ZNF507: variants seen among roughly 807,000 people sequenced by gnomAD.
ZNF507 encodes the protein zinc finger protein 507.
A neutral mutation model predicts 80.0 loss-of-function variants in ZNF507; 29 were observed. That is an observed-to-expected ratio of 0.36 (90% confidence interval 0.27 to 0.49). The LOEUF (loss-of-function observed/expected upper bound fraction) is 0.49. Among genes scored for constraint, ZNF507 ranks in the 20% least tolerant of loss-of-function variants. The pLI, the probability that ZNF507 is intolerant of heterozygous loss-of-function variation, is 0.98. For synonymous variants in ZNF507, 462 were observed against 422.5 expected, an observed-to-expected ratio of 1.09 and a Z score of -1.15; for missense variants, 1,081 against 1,152.2, an observed-to-expected ratio of 0.94 and a Z score of 0.90.
At position 32,367,565 on chromosome 19, in the gene ZNF507, CT is replaced by C. The variant is rs376508768; in HGVS notation, c.2360+6951del. On this transcript the variant is annotated intron_variant, in intron 5 of 6. Transcript: ENST00000355898. The stretch of plus-strand genomic sequence containing the variant: ...TTAATCTTTTTCTTTGTGTTTAGGA[CT>C]TTTGTGTTCTTATATTCTGAAACTA... 4.7e-4 allele frequency among the ~76,000 whole-genome samples: 71 copies of C among 152,190 alleles called. No homozygotes were observed. The East Asian group carries it at 0.013, about 27-fold the overall frequency.
rs571199908 is a variant in ZNF507, at chr19:32,382,412, T to C, written c.2361-55T>C. On this transcript the variant is annotated intron_variant, in intron 5 of 6. Transcript: ENST00000355898. ...ATAATTGTTACAGAATCATGATAAT[T>C]TTTCACTGATGTTATGGGACCGTTC... The C allele has an allele frequency of 1.1e-5, 18 of 1,588,544 alleles. No individual in the cohort carries two copies. In the East Asian group the frequency reaches 3.6e-4, roughly 32 times the overall value.
At chr19:32,380,269 T>C (rs1311119215) in intron 5 of ZNF507, among the ~76,000 whole-genome samples, 3 of 152,036 alleles carry the variant, frequency 2.0e-5, no homozygotes, top group African/African-American at 7.3e-5. Flanking sequence ...GGTAGGAGGA[T>C]CACTTGAGTC....
chr19:32,380,625 G>T (rs1268952779), intron 5 of ZNF507: 44 of 1,535,128 alleles, frequency 2.9e-5, no homozygotes, highest in Non-Finnish European at 3.8e-5. Context: ...GTTCAGGTAA[G>T]TAAGTTATCT....
Position 32,352,951 on chromosome 19 carries a change from C to T in ZNF507, c.121C>T (p.Pro41Ser). 1 of 1,614,112 alleles carries T rather than the reference C, an allele frequency of 6.2e-7. No homozygotes were observed. ...LEIDEQRKTK[P>S]DPLIHVIQKL... ...AATTGATGAACAAAGAAAAACTAAA[C>T]CAGATCCATTAATCCATGTTATCCA... Residue 41 changes from proline (P) to serine (S), a missense_variant, in exon 3 of 7, where the codon CCA (proline) becomes TCA (serine). Transcript: ENST00000355898.
chr19:32,357,065 G>A (rs1012257319), intron 4 of ZNF507: 5 of 210,228 alleles, frequency 2.4e-5, no homozygotes, highest in Non-Finnish European at 4.8e-5. Flanking sequence ...TCCCTCTCTC[G>A]GCACCAGTTG....
At chr19:32,356,529 GA>G (rs1283001717) in intron 3 of ZNF507, 86 bp from the exon 4 acceptor site, 1 of 875,976 alleles carries the variant, frequency 1.1e-6, no homozygotes, top group African/African-American at 1.7e-5. Context: ...ACTAGGCCAT[GA>G]AAGCAATGAA....
rs1967670444 is a variant in ZNF507 at position 32,384,992 on chromosome 19, G to GA, written c.*1909_*1910insA. ...TGATTTCATTATTATTACCCATACT[G>GA]TTGCCACTCATATTGTAAGTCAGTT... On this transcript the variant is annotated 3_prime_UTR_variant, in exon 7 of 7. Coordinates refer to ENST00000355898, the MANE Select transcript of ZNF507 (RefSeq NM_001136156.2). The GA allele has an allele frequency of 6.6e-6, 1 of 151,806 alleles. No individual in the cohort carries two copies. Among genetic ancestry groups the GA allele is most frequent in the Non-Finnish European group, 1.5e-5 (1 of 67,958 alleles). 9.4% of individuals were successfully genotyped at this position (151,806 alleles called of 1,614,324 possible).
At chr19:32,375,058 A>G (rs1967528599) in intron 5 of ZNF507, among the ~76,000 whole-genome samples, 1 of 152,140 alleles carries the variant, frequency 6.6e-6, no homozygotes. Flanking sequence ...TGAGTATGGC[A>G]GTAGGAAATA....
At chr19:32,361,717 CCTTT>C (rs1171661169) in intron 5 of ZNF507, among the ~76,000 whole-genome samples, 7 of 142,600 alleles carry the variant, frequency 4.9e-5, no homozygotes, top group South Asian at 2.3e-4. Context: ...TCCTTCCTTT[CCTTT>C]CTTCCTTTCC....
chr19:32,365,625 GCTGGAC>G (rs58986084), intron 5 of ZNF507, among the ~76,000 whole-genome samples: 12,089 of 152,160 alleles, frequency 0.079, 875 homozygotes, highest in East Asian at 0.43. Flanking sequence ...ATATTGCACT[GCTGGAC>G]CTGCCCTGAT....
intron 4 of ZNF507, chr19:32,357,252 C>T (rs963803190): frequency 2.6e-5 from 4 of 150,984 alleles, no homozygotes; most frequent in African/African-American, 9.7e-5. Flanking sequence ...AGTTAAGTAG[C>T]AGTCAACCGA....
chr19:32,354,372 C>T lies in ZNF507; in HGVS notation c.1542C>T (p.Asn514=), dbSNP rs1434652476. ...GAGCTGCAGAGTTGACAAGAGCCAA[C>T]CTGGGGCACTATGGAGATATAAACC... ...PIRAAELTRA[N]LGHYGDINLL... Residue 514 remains asparagine, a synonymous_variant, in exon 3 of 7, where the codon AAC becomes AAT. Transcript: ENST00000355898. The T allele has an allele frequency of 2.5e-6, 4 of 1,613,970 alleles. No homozygotes were observed. The highest frequency in any genetic ancestry group is 2.7e-5 in the African/African-American group (2 of 74,898).
intron 5 of ZNF507, among the ~76,000 whole-genome samples, chr19:32,374,617 G>T (rs1199098758): frequency 6.6e-6 from 1 of 151,904 alleles, no homozygotes; most frequent in Admixed American, 6.6e-5. Context: ...GAGTAGCTGG[G>T]ATTACAGGCA....
At position 32,354,152 on chromosome 19, in the gene ZNF507, T is replaced by A. The variant is rs541497402; in HGVS notation, c.1322T>A (p.Val441Asp). Residue 441 changes from valine (V) to aspartate (D), a missense_variant, in exon 3 of 7, where the codon GTT (valine) becomes GAT (aspartate). Physicochemically the swap from Val to Asp is radical, Grantham distance 152. Transcript: ENST00000355898. ...AQIGREGMDD[V>D]YRADKCTVDI... ...ATTGGGCGCGAAGGAATGGATGATG[T>A]TTATCGTGCTGATAAATGTACTGTT... The A allele has an allele frequency of 1.7e-5, 27 of 1,613,140 alleles. No homozygotes were observed. In the African/African-American group the frequency reaches 2.9e-4, roughly 18 times the overall value.
At position 32,345,800 on chromosome 19, in the gene ZNF507, C is replaced by T. The variant is rs1006284983; in HGVS notation, c.-97+17C>T. On this transcript the variant is annotated intron_variant, in intron 1 of 6. Coordinates refer to ENST00000355898, the MANE Select transcript of ZNF507 (RefSeq NM_001136156.2). ...TGACCGCAGGTACCGCGCCCCGGGGCCGCCCCTCCGCCCGCTGTTAGCGCC... is the reference window on the plus strand; with the variant it reads ...TGACCGCAGGTACCGCGCCCCGGGGTCGCCCCTCCGCCCGCTGTTAGCGCC... 4 of 154,020 alleles carry T rather than the reference C, an allele frequency of 2.6e-5. No homozygotes were observed. Among genetic ancestry groups the T allele is most frequent in the Non-Finnish European group, 5.8e-5 (4 of 69,224 alleles). 9.5% of individuals were successfully genotyped at this position (154,020 alleles called of 1,614,324 possible).
chr19:32,367,444 G>A (rs568110032), intron 5 of ZNF507, among the ~76,000 whole-genome samples: 2 of 152,316 alleles, frequency 1.3e-5, no homozygotes, highest in East Asian at 1.9e-4. Context: ...TTTGTGGGGC[G>A]TATTGCAGAT....
chr19:32,356,111 C>T (rs1178374599), intron 3 of ZNF507, among the ~76,000 whole-genome samples: 1 of 152,154 alleles, frequency 6.6e-6, no homozygotes, highest in Admixed American at 6.5e-5. Context: ...AAGACAAGTT[C>T]CTGAAGTCTC....
At chr19:32,363,010 G>C (rs371561084) in intron 5 of ZNF507, among the ~76,000 whole-genome samples, 5 of 152,162 alleles carry the variant, frequency 3.3e-5, no homozygotes, top group Non-Finnish European at 7.3e-5. Flanking sequence ...GGATTAACAT[G>C]TTCTATTCCA....
chr19:32,380,463 C>T, intron 5 of ZNF507: 1 of 786,132 alleles, frequency 1.3e-6, no homozygotes, highest in South Asian at 1.6e-5. Flanking sequence ...TAAAAGAATA[C>T]AGCTGCATGC....
Sources: gnomAD v4.1 joint callset for allele counts (sites outside exome capture counted in the v4.1 genomes callset) on GRCh38, gnomAD v4.1.1 for gene constraint, MANE v1.5 for transcripts, NCBI Gene and HGNC (gene_info 2026-07-23, HGNC 2026-07-21) for gene names.